DPP6: variants seen among roughly 807,000 people sequenced by gnomAD.
DPP6 encodes A-type potassium channel modulatory protein DPP6.
Under a neutral mutation model 122.6 loss-of-function variants are expected in DPP6, and 69 were observed. The observed-to-expected ratio is 0.56, with a 90% CI of 0.46 to 0.69. DPP6 has a LOEUF of 0.69. Ranked by LOEUF, DPP6 falls within the 30% of genes least tolerant of loss-of-function variation. DPP6 has a pLI of 0.00. For missense variants in DPP6, 928 were observed against 1,116.9 expected (o/e 0.83, Z 2.41); for synonymous variants, 418 against 433.1 (o/e 0.97, Z 0.43).
At chr7:153,920,839 G>A (rs1048529049) in intron 1 of DPP6, among the ~76,000 whole-genome samples, 2 of 151,966 alleles carry the variant, frequency 1.3e-5, no homozygotes, top group Non-Finnish European at 2.9e-5. Flanking sequence ...GATTACAGGC[G>A]TGAGCCACCG....
chr7:154,539,769 A>ATAAACATTT (rs970329225), intron 3 of DPP6, among the ~76,000 whole-genome samples: 12 of 150,064 alleles, frequency 8.0e-5, no homozygotes, highest in Non-Finnish European at 1.8e-4. Context: ...ATTTGATGAA[A>ATAAACATTT]TAAACATTTT....
At chr7:154,471,819 A>C (rs1822302076) in intron 2 of DPP6, among the ~76,000 whole-genome samples, 1 of 152,222 alleles carries the variant, frequency 6.6e-6, no homozygotes, top group Non-Finnish European at 1.5e-5. Context: ...AACTATCACT[A>C]TGCTAAAGAA....
At chr7:154,009,960 A>C (rs1798083386) in intron 1 of DPP6, among the ~76,000 whole-genome samples, 1 of 152,250 alleles carries the variant, frequency 6.6e-6, no homozygotes, top group African/African-American at 2.4e-5. Flanking sequence ...AGCAAAATTT[A>C]TTTGCCTAAA....
At chr7:154,668,848 T>C (rs572785002) in intron 6 of DPP6, among the ~76,000 whole-genome samples, 1 of 152,270 alleles carries the variant, frequency 6.6e-6, no homozygotes, top group Non-Finnish European at 1.5e-5. Context: ...AGGAAATACA[T>C]CTTTCAATTT....
chr7:154,736,636 C>T (rs1013482349), intron 8 of DPP6, among the ~76,000 whole-genome samples: 4 of 152,206 alleles, frequency 2.6e-5, no homozygotes, highest in South Asian at 4.1e-4. Flanking sequence ...ATTCTTCCAG[C>T]TCTTGTCGTC....
intron 1 of DPP6, among the ~76,000 whole-genome samples, chr7:154,040,852 G>A (rs1978249): frequency 0.3 from 44,194 of 144,906 alleles, 7,297 homozygotes; most frequent in Middle Eastern, 0.38. Context: ...CTTTCCTCCT[G>A]CCCCGGGAAG....
At chr7:154,263,465 C>G (rs1037168202) in intron 1 of DPP6, among the ~76,000 whole-genome samples, 3 of 152,176 alleles carry the variant, frequency 2.0e-5, no homozygotes, top group Non-Finnish European at 2.9e-5. Flanking sequence ...GATCAACCTC[C>G]CACAAGCTGC....
At chr7:154,399,135 A>G (rs760327140) in intron 1 of DPP6, among the ~76,000 whole-genome samples, 4 of 152,180 alleles carry the variant, frequency 2.6e-5, no homozygotes, top group Non-Finnish European at 5.9e-5. Context: ...ATGACAATGA[A>G]TCTTTAGATT....
chr7:154,819,273 G>T (rs1188794761), intron 16 of DPP6, among the ~76,000 whole-genome samples: 1 of 152,144 alleles, frequency 6.6e-6, no homozygotes, highest in African/African-American at 2.4e-5. Context: ...AAATTAGCTG[G>T]ACGTGATGGC....
chr7:154,851,512 G>C (rs375356495), intron 16 of DPP6, among the ~76,000 whole-genome samples: 3 of 152,114 alleles, frequency 2.0e-5, no homozygotes, highest in African/African-American at 4.8e-5. Context: ...CTCCCCATGG[G>C]GGGGAAATGA....
At chr7:154,117,263 A>C (rs1373825445) in intron 1 of DPP6, among the ~76,000 whole-genome samples, 1 of 152,208 alleles carries the variant, frequency 6.6e-6, no homozygotes, top group Non-Finnish European at 1.5e-5. Flanking sequence ...TTGAGTGGAG[A>C]GATCAAGGTA....
At chr7:154,098,498 T>C (rs1390113889) in intron 1 of DPP6, among the ~76,000 whole-genome samples, 1 of 152,136 alleles carries the variant, frequency 6.6e-6, no homozygotes, top group Non-Finnish European at 1.5e-5. Flanking sequence ...GACTCAGGTC[T>C]AGGCAGGTAA....
chr7:153,983,700 G>A (rs2129038957), intron 1 of DPP6, among the ~76,000 whole-genome samples: 1 of 152,038 alleles, frequency 6.6e-6, no homozygotes, highest in Admixed American at 6.6e-5. Context: ...GAATCTCCTG[G>A]TCTGTGGGTT....
chr7:154,879,834 T>C (rs186567793), intron 20 of DPP6, among the ~76,000 whole-genome samples: 1 of 152,288 alleles, frequency 6.6e-6, no homozygotes, highest in East Asian at 1.9e-4. Context: ...GGCTCTTTGT[T>C]AAAATACTGT....
chr7:154,770,421 A>G (rs1174836427), intron 9 of DPP6, among the ~76,000 whole-genome samples: 1 of 152,176 alleles, frequency 6.6e-6, no homozygotes, highest in Non-Finnish European at 1.5e-5. Context: ...TCATCTTGGG[A>G]ATTCAAGATG....
chr7:153,801,690 A>G, the DPP6 span, among the ~76,000 whole-genome samples: 1 of 152,166 alleles, frequency 6.6e-6, no homozygotes, highest in Non-Finnish European at 1.5e-5. Context: ...AAATTGCAAG[A>G]TGGCTCAAGG....
chr7:154,350,458 C>T (rs763883404), intron 1 of DPP6, among the ~76,000 whole-genome samples: 8 of 152,120 alleles, frequency 5.3e-5, no homozygotes, highest in South Asian at 2.1e-4. Context: ...CGTGCTAAGT[C>T]GTAGACCCAT....
intron 4 of DPP6, among the ~76,000 whole-genome samples, chr7:154,543,101 A>G (rs1261891381): frequency 6.6e-6 from 1 of 152,190 alleles, no homozygotes; most frequent in Non-Finnish European, 1.5e-5. Context: ...GCTCTTCCAT[A>G]TTCTGTTCTC....
chr7:154,484,631 G>A (rs1196359749), intron 3 of DPP6, among the ~76,000 whole-genome samples: 1 of 152,184 alleles, frequency 6.6e-6, no homozygotes, highest in East Asian at 1.9e-4. Context: ...GCCCCCTGCA[G>A]CATGTTCAAC....
Sources: gnomAD v4.1 joint callset for allele counts (sites outside exome capture counted in the v4.1 genomes callset) on GRCh38, gnomAD v4.1.1 for gene constraint, MANE v1.5 for transcripts, NCBI Gene and HGNC (gene_info 2026-07-23, HGNC 2026-07-21) for gene names.